Variants in MAPKAPK2 observed in about 807,000 individuals in gnomAD.
MAPKAPK2 encodes MAPK activated protein kinase 2.
Under a neutral mutation model 48.8 loss-of-function variants are expected in MAPKAPK2, and 9 were observed. The observed-to-expected ratio is 0.18, with a 90% confidence interval of 0.11 to 0.32. The LOEUF is 0.32. Among genes scored for constraint, MAPKAPK2 ranks in the 10% least tolerant of loss-of-function variants. MAPKAPK2 has a pLI of 1.00. For missense variants in MAPKAPK2, 331 were observed against 498.3 expected, an observed-to-expected ratio of 0.66 and a Z score of 3.20; for synonymous variants, 202 against 190.6, an observed-to-expected ratio of 1.06 and a Z score of -0.49.
At position 206,728,777 on chromosome 1, in the gene MAPKAPK2, A is replaced by G. The variant is rs1553432206; in HGVS notation, c.347A>G (p.His116Arg). ...CACTGGCGGGCCTCCCAGTGCCCGC[A>G]CATCGTACGGATCGTGGATGTGTAC... ...ELHWRASQCPHIVRIVDVYEN... is the reference protein window; with the variant it reads ...ELHWRASQCPRIVRIVDVYEN... The change falls in exon 2 of 10, where the codon CAC (histidine) becomes CGC (arginine). Residue 116 changes from histidine (H) to arginine (R), a missense_variant. This residue lies in a region of MAPKAPK2 where 111 missense variants were observed against 193.6 expected (regional missense o/e 0.57). Coordinates refer to ENST00000367103, the MANE Select transcript of MAPKAPK2 (RefSeq NM_032960.4). 1 of 1,614,012 alleles carries G rather than the reference A, an allele frequency of 6.2e-7. No individual in the cohort carries two copies. The highest frequency in any genetic ancestry group is 1.3e-5 in the African/African-American group (1 of 75,060).
intron 1 of MAPKAPK2, among the ~76,000 whole-genome samples, chr1:206,711,122 A>C (rs1180357332): frequency 2.0e-5 from 3 of 152,268 alleles, no homozygotes; most frequent in Non-Finnish European, 4.4e-5. Flanking sequence ...ATTTACAAAA[A>C]GTGTGGGTGA....
Position 206,732,901 on chromosome 1 carries a change from G to A in MAPKAPK2, c.*183G>A. 1.5e-6 allele frequency: 1 copy of A among 649,908 alleles called. No individual in the cohort carries two copies. Among genetic ancestry groups the A allele is most frequent in the South Asian group, 2.4e-5 (1 of 42,224 alleles). The allele number at this position is 649,908 out of a possible 1,614,324, so 40.3% of individuals were successfully genotyped here. A position where few individuals can be genotyped will look rare whatever the true frequency, so the allele number is the denominator to read the frequency against. ...GGCCACCCCAGAGTGGGAGAGGCTG[G>A]GAGGTTGGGAGGCTGTGGAGAGAAG... On this transcript the variant is annotated 3_prime_UTR_variant, in exon 10 of 10. Coordinates refer to ENST00000367103, the MANE Select transcript of MAPKAPK2 (RefSeq NM_032960.4). The surrounding 1 kb of genome is among the most constrained non-coding windows in gnomAD (Gnocchi z 4.4).
At chr1:206,689,500 G>C (rs1180937943) in intron 1 of MAPKAPK2, among the ~76,000 whole-genome samples, 2 of 152,198 alleles carry the variant, frequency 1.3e-5, no homozygotes, top group Non-Finnish European at 2.9e-5. Flanking sequence ...ACAAGGTTAG[G>C]AAAATTTCAT....
chr1:206,722,809 C>T (rs529386816), intron 1 of MAPKAPK2, among the ~76,000 whole-genome samples: 5 of 152,326 alleles, frequency 3.3e-5, no homozygotes, highest in South Asian at 2.1e-4. Context: ...GCTGCCCTCC[C>T]GAGTCCTCTT....
At position 206,732,490 on chromosome 1, in the gene MAPKAPK2, C is replaced by G; in HGVS notation, c.1060-85C>G. On this transcript the variant is annotated intron_variant, in intron 9 of 9. Transcript: ENST00000367103. The surrounding 1 kb of genome is among the most constrained non-coding windows in gnomAD (Gnocchi z 4.4). ...CGCCCTCACCCTGCCCTTGTTGTCT[C>G]TGTCTCTCACGTCTCTCTTCTGCTG... 1.3e-6 allele frequency: 2 copies of G among 1,569,766 alleles called. No individual in the cohort carries two copies. The highest frequency in any genetic ancestry group is 1.2e-5 in the South Asian group (1 of 84,114).
rs564324306 is a variant in MAPKAPK2 at position 206,733,698 on chromosome 1, T to C, written c.*980T>C. Reference sequence around the variant, plus strand: ...CCATTATTAACCCATTTTTGTTTATTTTCCTTAAATTTTTAGCCATTTCTC... The same window carrying C: ...CCATTATTAACCCATTTTTGTTTATCTTCCTTAAATTTTTAGCCATTTCTC... On this transcript the variant is annotated 3_prime_UTR_variant, in exon 10 of 10. Coordinates refer to ENST00000367103, the MANE Select transcript of MAPKAPK2 (RefSeq NM_032960.4). The C allele has an allele frequency of 1.0e-4, 16 of 152,724 alleles. No homozygotes were observed. Among genetic ancestry groups the C allele is most frequent in the African/African-American group, 3.9e-4 (16 of 41,542 alleles). 9.5% of individuals were successfully genotyped at this position (152,724 alleles called of 1,614,324 possible). A position where few individuals can be genotyped will look rare whatever the true frequency, so the allele number is the denominator to read the frequency against.
intron 1 of MAPKAPK2, among the ~76,000 whole-genome samples, chr1:206,700,258 T>G (rs575772613): frequency 1.6e-4 from 25 of 152,292 alleles, no homozygotes; most frequent in African/African-American, 6.0e-4. Flanking sequence ...GAGGGAACCT[T>G]GAGAGAGAAT....
chr1:206,732,052 C>A lies in MAPKAPK2; in HGVS notation c.1059+133C>A, dbSNP rs1553432805. On this transcript the variant is annotated intron_variant, in intron 9 of 9. Transcript: ENST00000367103. This position sits in a 1 kb window ranked among gnomAD's most constrained non-coding sequence, Gnocchi z 4.4. Reference sequence around the variant, plus strand: ...TCTCATCCCAGGGGTGTCTTCATGACAAGAACAGCGACCAGGCCACTTGGC... The same window carrying A: ...TCTCATCCCAGGGGTGTCTTCATGAAAAGAACAGCGACCAGGCCACTTGGC... 2 of 1,614,144 alleles carry A rather than the reference C, an allele frequency of 1.2e-6. No homozygotes were observed. Among genetic ancestry groups the A allele is most frequent in the South Asian group, 2.2e-5 (2 of 91,086 alleles).
At chr1:206,694,442 A>C (rs2102377973) in intron 1 of MAPKAPK2, among the ~76,000 whole-genome samples, 1 of 152,332 alleles carries the variant, frequency 6.6e-6, no homozygotes, top group East Asian at 1.9e-4. Context: ...AGTTGGGCAT[A>C]GTTGCTAAGT....
chr1:206,700,174 C>T (rs1277875396), intron 1 of MAPKAPK2, among the ~76,000 whole-genome samples: 2 of 152,130 alleles, frequency 1.3e-5, no homozygotes, highest in East Asian at 1.9e-4. Flanking sequence ...TTTCCACTCT[C>T]CTTTCCTCTG....
chr1:206,722,483 C>G (rs566415190), intron 1 of MAPKAPK2, among the ~76,000 whole-genome samples: 2 of 152,198 alleles, frequency 1.3e-5, no homozygotes, highest in Admixed American at 1.3e-4. Context: ...AGTTGATTAA[C>G]ACATATTTTG....
At position 206,685,259 on chromosome 1, in the gene MAPKAPK2, G is replaced by A; in HGVS notation, c.30G>A (p.Pro10=). 1.5e-6 allele frequency: 1 copy of A among 645,324 alleles called. No individual in the cohort carries two copies. The highest frequency in any genetic ancestry group is 2.3e-6 in the Non-Finnish European group (1 of 443,382). 40.0% of individuals were successfully genotyped at this position (645,324 alleles called of 1,614,324 possible). A position where few individuals can be genotyped will look rare whatever the true frequency, so the allele number is the denominator to read the frequency against. Residue 10 remains proline, a synonymous_variant, in exon 1 of 10, where the codon CCG becomes CCA. Coordinates refer to ENST00000367103, the MANE Select transcript of MAPKAPK2 (RefSeq NM_032960.4). ...TGTCCAACTCCCAGGGCCAGAGCCC[G>A]CCGGTGCCGTTCCCCGCCCCGGCCC... MLSNSQGQS[P]PVPFPAPAPP...
intron 1 of MAPKAPK2, among the ~76,000 whole-genome samples, chr1:206,687,119 C>T (rs1379251069): frequency 6.6e-6 from 1 of 152,162 alleles, no homozygotes; most frequent in Non-Finnish European, 1.5e-5. Context: ...TTGCTGTCCC[C>T]TCTGAGACAC....
Position 206,685,484 on chromosome 1 carries a change from G to A in MAPKAPK2, c.255G>A (p.Arg85=). ...AAGTTTTGCAGATCTTCAACAAGAGGACCCAGGAGAAATTCGCCCTCAAAG... is the reference window on the plus strand; with the variant it reads ...AAGTTTTGCAGATCTTCAACAAGAGAACCCAGGAGAAATTCGCCCTCAAAG... The part of the protein sequence containing the change: ...NGKVLQIFNK[R]TQEKFALKML... Residue 85 remains arginine, a synonymous_variant, in exon 1 of 10, where the codon AGG becomes AGA. Transcript: ENST00000367103. 1 of 1,535,526 alleles carries A rather than the reference G, an allele frequency of 6.5e-7. No individual in the cohort carries two copies.
chr1:206,723,447 A>AATGG (rs1673605623), intron 1 of MAPKAPK2, among the ~76,000 whole-genome samples: 1 of 152,172 alleles, frequency 6.6e-6, no homozygotes, highest in African/African-American at 2.4e-5. Flanking sequence ...CTGTCCTATT[A>AATGG]ATGGGTAAGG....
chr1:206,731,131 G>C lies in MAPKAPK2; in HGVS notation c.768-7G>C, dbSNP rs1051508422. ...TGTCTCCCACTTCCTTCCTCCTGTT[G>C]ATGCAGGCTGTGTGGGTATCCCCCC... is the stretch of plus-strand genomic sequence containing the variant. On this transcript the variant is annotated splice_polypyrimidine_tract_variant and splice_region_variant and intron_variant, in intron 6 of 9. Transcript: ENST00000367103. This position sits in a 1 kb window ranked among gnomAD's most constrained non-coding sequence, Gnocchi z 5.9. 46 of 1,614,008 alleles carry C rather than the reference G, an allele frequency of 2.9e-5. No individual in the cohort carries two copies. Among genetic ancestry groups the C allele is most frequent in the Non-Finnish European group, 3.6e-5 (43 of 1,180,028 alleles).
rs200009946 is a variant in MAPKAPK2, at chr1:206,731,246, A to C, written c.876A>C (p.Ser292=). The C allele has an allele frequency of 3.3e-5, 53 of 1,614,218 alleles. No individual in the cohort carries two copies. In the East Asian group the frequency reaches 1.1e-3, roughly 35 times the overall value. The change falls in exon 7 of 10, where the codon TCA becomes TCC. Residue 292 remains serine, a synonymous_variant. Transcript: ENST00000367103. The surrounding 1 kb of genome is among the most constrained non-coding windows in gnomAD (Gnocchi z 5.9). ...ATGAATTTCCCAACCCAGAATGGTC[A>C]GAAGTATCAGAGGAAGGTAAGAACC... ...GQYEFPNPEW[S]EVSEEVKMLI...
chr1:206,722,736 C>A (rs995293024), intron 1 of MAPKAPK2, among the ~76,000 whole-genome samples: 1 of 152,200 alleles, frequency 6.6e-6, no homozygotes, highest in Non-Finnish European at 1.5e-5. Flanking sequence ...CACTGCCAGC[C>A]CCCCTCGGCC....
In MAPKAPK2 at chr1:206,716,504, C is replaced by T. The variant is rs1026883342; in HGVS notation, c.280-12206C>T. Among the ~76,000 whole-genome samples, 5 of 152,114 alleles carry T rather than the reference C, an allele frequency of 3.3e-5. 1 individual carries two copies. Among genetic ancestry groups the T allele is most frequent in the African/African-American group, 9.6e-5 (4 of 41,470 alleles). ...GGGTGGGGGATGTGTGTGTGTGGGC[C>T]GCCCTCTTGATTTGTAGGATCCTTC... is the stretch of plus-strand genomic sequence containing the variant. On this transcript the variant is annotated intron_variant, in intron 1 of 9. Transcript: ENST00000367103.
Sources: allele counts gnomAD v4.1 joint callset (sites outside exome capture counted in the v4.1 genomes callset), GRCh38; gene constraint gnomAD v4.1.1; regional missense constraint gnomAD v4.1.1; non-coding constraint Gnocchi (gnomAD v3.1); transcripts MANE v1.5; gene names NCBI Gene and HGNC (gene_info 2026-07-23, HGNC 2026-07-21).